The following PRKG1 variants were observed in gnomAD, a reference collection of about 807,000 sequenced individuals.
PRKG1 encodes cGMP-dependent protein kinase 1.
PRKG1 carries 35 observed loss-of-function variants against 88.1 expected under a neutral mutation model. The observed-to-expected ratio is 0.40, with a 90% confidence interval of 0.30 to 0.53. The LOEUF is 0.53. Ranked by LOEUF, PRKG1 falls within the 20% of genes least tolerant of loss-of-function variation. The pLI is 0.59. For synonymous variants in PRKG1, 303 were observed against 292.5 expected (o/e 1.04, Z -0.37); for missense variants, 540 against 839.8 (o/e 0.64, Z 4.41).
chr10:51,278,856 T>C (rs1840208768), intron 2 of PRKG1, among the ~76,000 whole-genome samples: 1 of 152,210 alleles, frequency 6.6e-6, no homozygotes, highest in African/African-American at 2.4e-5. Flanking sequence ...TCTTCTTTAT[T>C]AGTATTGCTA....
intron 9 of PRKG1, among the ~76,000 whole-genome samples, chr10:52,176,412 C>T (rs1838869502): frequency 6.6e-6 from 1 of 151,972 alleles, no homozygotes; most frequent in African/African-American, 2.4e-5. Flanking sequence ...GTTTTGGTTA[C>T]TACAGCTTTG....
At chr10:52,105,190 G>GTT (rs372399083) in intron 7 of PRKG1, among the ~76,000 whole-genome samples, 1 of 145,678 alleles carries the variant, frequency 6.9e-6, no homozygotes, top group Admixed American at 6.9e-5. Flanking sequence ...AGAGACAACT[G>GTT]TTTTTTTTTT....
intron 1 of PRKG1, among the ~76,000 whole-genome samples, chr10:51,119,710 C>T (rs1845215527): frequency 6.6e-6 from 1 of 151,988 alleles, no homozygotes. Context: ...CAAGACAAAT[C>T]TTTCCATTTT....
chr10:51,627,970 C>CTTTCTT lies in PRKG1; in HGVS notation c.592+160135_592+160136insTTCTTT, dbSNP rs531728027. On this transcript the variant is annotated intron_variant, in intron 3 of 17. Transcript: ENST00000373980. ...TCTTTCTTTCTTTCTTTCTTTCTTT[C>CTTTCTT]TCTTTCTTTCTTTCTTTCTTTCTCT... 1.8e-3 allele frequency among the ~76,000 whole-genome samples: 153 copies of CTTTCTT among 86,334 alleles called. 1 individual carries two copies. The highest frequency in any genetic ancestry group is 4.3e-3 in the African/African-American group (102 of 23,702). The allele number at this position is 86,334 out of a possible 152,430, so 56.6% of individuals were successfully genotyped here.
chr10:51,564,497 G>A (rs1389074471), intron 3 of PRKG1, among the ~76,000 whole-genome samples: 2 of 152,002 alleles, frequency 1.3e-5, no homozygotes, highest in Non-Finnish European at 2.9e-5. Flanking sequence ...GAAGACAGGA[G>A]CATCCAGGTG....
intron 2 of PRKG1, among the ~76,000 whole-genome samples, chr10:51,248,573 G>A (rs1431808396): frequency 1.3e-5 from 2 of 151,786 alleles, no homozygotes; most frequent in Non-Finnish European, 2.9e-5. Flanking sequence ...AAAATTAACA[G>A]AATCCATTTA....
At chr10:51,106,761 C>A (rs542626683) in intron 1 of PRKG1, among the ~76,000 whole-genome samples, 5 of 152,246 alleles carry the variant, frequency 3.3e-5, no homozygotes, top group Non-Finnish European at 7.4e-5. Context: ...GCTATGTGGA[C>A]AACAAAACTT....
In PRKG1 at chr10:52,251,232, A is replaced by G. The variant is rs541940400; in HGVS notation, c.1077-338A>G. 3.9e-5 allele frequency among the ~76,000 whole-genome samples: 6 copies of G among 152,240 alleles called. No individual in the cohort carries two copies. The East Asian group carries it at 1.2e-3, about 29-fold the overall frequency. On this transcript the variant is annotated intron_variant, in intron 9 of 17. Transcript: ENST00000373980. ...CCAAAAAATCTAAAACAAAACCAAA[A>G]AAGAACAACTCAAACAATCCGTGTT... is the stretch of plus-strand genomic sequence containing the variant.
intron 2 of PRKG1, among the ~76,000 whole-genome samples, chr10:51,227,933 T>C (rs1005223519): frequency 6.6e-6 from 1 of 152,116 alleles, no homozygotes; most frequent in African/African-American, 2.4e-5. Flanking sequence ...TGGACATCTC[T>C]AGACTATTCT....
At chr10:51,967,661 T>G (rs1323144971) in intron 5 of PRKG1, among the ~76,000 whole-genome samples, 1 of 152,194 alleles carries the variant, frequency 6.6e-6, no homozygotes, top group Non-Finnish European at 1.5e-5. Context: ...TCAGTATTGT[T>G]GACTTCACAG....
chr10:52,042,764 C>G (rs188068097), intron 5 of PRKG1, among the ~76,000 whole-genome samples: 3 of 152,192 alleles, frequency 2.0e-5, no homozygotes, highest in Admixed American at 2.0e-4. Flanking sequence ...GCAGGGGAAA[C>G]AATCAACATA....
Position 51,343,791 on chromosome 10 carries a change from C to T in PRKG1, c.479-123932C>T, listed in dbSNP as rs1366568422. ...AGCAGGATTGTGCCTTTCCCCAGAT[C>T]ACTCAGCCAGGGAATAATAGAGCCA... On this transcript the variant is annotated intron_variant, in intron 2 of 17. Transcript: ENST00000373980. 1.3e-5 allele frequency among the ~76,000 whole-genome samples: 2 copies of T among 152,188 alleles called. 1 individual carries two copies. Among genetic ancestry groups the T allele is most frequent in the Non-Finnish European group, 2.9e-5 (2 of 68,046 alleles).
At chr10:51,110,271 G>T (rs1026372318) in intron 1 of PRKG1, among the ~76,000 whole-genome samples, 1 of 152,066 alleles carries the variant, frequency 6.6e-6, no homozygotes, top group Non-Finnish European at 1.5e-5. Context: ...AGATTTATTT[G>T]TAATAGCTAG....
intron 4 of PRKG1, among the ~76,000 whole-genome samples, chr10:51,886,193 G>A (rs898834194): frequency 3.3e-5 from 5 of 152,178 alleles, no homozygotes; most frequent in South Asian, 4.1e-4. Flanking sequence ...CCTGGCTCCC[G>A]AGTAAGGATA....
chr10:51,419,867 G>A (rs146242517), intron 2 of PRKG1, among the ~76,000 whole-genome samples: 152 of 150,194 alleles, frequency 1.0e-3, no homozygotes, highest in African/African-American at 3.5e-3. Flanking sequence ...TTTGTCTAGT[G>A]TAGCAGCATA....
At chr10:51,890,450 T>G (rs979158065) in intron 4 of PRKG1, among the ~76,000 whole-genome samples, 1 of 152,218 alleles carries the variant, frequency 6.6e-6, no homozygotes, top group Non-Finnish European at 1.5e-5. Flanking sequence ...TTACAAGATA[T>G]TCATTCAGTT....
chr10:51,575,332 G>C (rs1214695259), intron 3 of PRKG1, among the ~76,000 whole-genome samples: 1 of 151,930 alleles, frequency 6.6e-6, no homozygotes, highest in East Asian at 1.9e-4. Flanking sequence ...ATTCCAGTAA[G>C]ACCAACACCA....
chr10:52,230,609 T>C (rs922999939), intron 9 of PRKG1: 7 of 152,218 alleles, frequency 4.6e-5, no homozygotes, highest in Non-Finnish European at 1.0e-4. Flanking sequence ...AGTTGTTGTA[T>C]ATTACTGCCT....
intron 3 of PRKG1, among the ~76,000 whole-genome samples, chr10:51,584,639 C>CA (rs1284830308): frequency 1.3e-5 from 2 of 151,960 alleles, no homozygotes; most frequent in Non-Finnish European, 2.9e-5. Context: ...AATAACAAAA[C>CA]AAATTGTTTC....
Sources: gnomAD v4.1 joint callset for allele counts (sites outside exome capture counted in the v4.1 genomes callset) on GRCh38, gnomAD v4.1.1 for gene constraint, MANE v1.5 for transcripts, NCBI Gene and HGNC (gene_info 2026-07-23, HGNC 2026-07-21) for gene names.